Variants in CNTNAP2 observed in about 807,000 individuals in gnomAD.
CNTNAP2 encodes the protein contactin-associated protein-like 2.
A neutral mutation model predicts 155.2 loss-of-function variants in CNTNAP2; 98 were observed. That is an observed-to-expected ratio of 0.63 (90% CI 0.54 to 0.75). The LOEUF (loss-of-function observed/expected upper bound fraction) is 0.75, where lower values mean the gene tolerates loss of function less well. Among genes scored for constraint, CNTNAP2 ranks in the 30% least tolerant of loss-of-function variants. CNTNAP2 has a pLI of 0.00. For missense variants in CNTNAP2, 1,727 were observed against 1,688.1 expected (o/e 1.02, Z -0.40); for synonymous variants, 651 against 631.2 (o/e 1.03, Z -0.47).
chr7:148,265,111 G>GT (rs1408338132), intron 20 of CNTNAP2, among the ~76,000 whole-genome samples: 9 of 152,176 alleles, frequency 5.9e-5, no homozygotes, highest in African/African-American at 2.2e-4. Flanking sequence ...ACAAAAGAGA[G>GT]TAAGTAAACA....
intron 3 of CNTNAP2, among the ~76,000 whole-genome samples, chr7:146,933,557 G>A (rs938110472): frequency 6.7e-6 from 1 of 150,082 alleles, no homozygotes; most frequent in Non-Finnish European, 1.5e-5. Context: ...AACACCAAAA[G>A]CAATGGCAAC....
chr7:147,733,890 G>T (rs567647374), intron 13 of CNTNAP2, among the ~76,000 whole-genome samples: 1 of 152,292 alleles, frequency 6.6e-6, no homozygotes, highest in East Asian at 1.9e-4. Context: ...TGCTGAAATT[G>T]CTTATCAGCT....
intron 10 of CNTNAP2, among the ~76,000 whole-genome samples, chr7:147,472,204 CTTTTTTTTTTTTTTT>C (rs542047274): frequency 1.2e-5 from 1 of 81,072 alleles, no homozygotes; most frequent in Non-Finnish European, 2.3e-5. Context: ...TCTTTTTTTC[CTTTTTTTTTTTTTTT>C]TTTTTTTTTT....
At chr7:146,750,388 T>A (rs1033304334) in intron 1 of CNTNAP2, among the ~76,000 whole-genome samples, 6 of 152,194 alleles carry the variant, frequency 3.9e-5, no homozygotes, top group Non-Finnish European at 5.9e-5. Context: ...CAATCATTAA[T>A]TTTTAAAATT....
At chr7:148,065,211 A>G (rs1164637329) in intron 15 of CNTNAP2, among the ~76,000 whole-genome samples, 1 of 152,164 alleles carries the variant, frequency 6.6e-6, no homozygotes, top group Non-Finnish European at 1.5e-5. Flanking sequence ...GTGGCCTATC[A>G]TATGGTCTAT....
chr7:147,465,962 C>T (rs939735675), intron 10 of CNTNAP2, among the ~76,000 whole-genome samples: 3 of 152,050 alleles, frequency 2.0e-5, no homozygotes, highest in African/African-American at 7.2e-5. Context: ...GTAAACATTG[C>T]CATATTTATA....
intron 13 of CNTNAP2, among the ~76,000 whole-genome samples, chr7:147,868,686 C>T (rs1799273895): frequency 6.6e-6 from 1 of 152,210 alleles, no homozygotes; most frequent in African/African-American, 2.4e-5. Flanking sequence ...TGGTGGACAC[C>T]CCACCCACAG....
At chr7:146,812,038 A>C (rs551198148) in intron 2 of CNTNAP2, among the ~76,000 whole-genome samples, 2 of 152,234 alleles carry the variant, frequency 1.3e-5, no homozygotes, top group South Asian at 4.1e-4. Context: ...ATGAAAATGG[A>C]CTAATACAGT....
At chr7:146,495,582 A>G (rs1389965222) in intron 1 of CNTNAP2, among the ~76,000 whole-genome samples, 2 of 144,672 alleles carry the variant, frequency 1.4e-5, no homozygotes, top group African/African-American at 5.2e-5. Context: ...TTGCCTTCGT[A>G]AAGCACTACA....
At position 148,172,361 on chromosome 7, in the gene CNTNAP2, GGCCATTGCACCA is replaced by G; in HGVS notation, c.2896_2907del (p.His966_Ser969del). 1 of 1,614,092 alleles carries G rather than the reference GGCCATTGCACCA, an allele frequency of 6.2e-7. No homozygotes were observed. ...ATCTGGGTTCATATCCGGATGCTCG[GGCCATTGCACCA>G]GCTATGGAACAAACTGTGAAAATGG... On this transcript the variant is annotated inframe_deletion, in exon 18 of 24. Coordinates refer to ENST00000361727, the MANE Select transcript of CNTNAP2 (RefSeq NM_014141.6).
chr7:147,234,569 G>T (rs1444218490), intron 8 of CNTNAP2, among the ~76,000 whole-genome samples: 1 of 151,998 alleles, frequency 6.6e-6, no homozygotes. Flanking sequence ...TCGATCTCCT[G>T]ACCTCTTGAT....
chr7:147,009,259 G>A (rs562672976), intron 3 of CNTNAP2, among the ~76,000 whole-genome samples: 76 of 152,040 alleles, frequency 5.0e-4, no homozygotes, highest in African/African-American at 1.7e-3. Flanking sequence ...AAACACTAAG[G>A]TCAATGTTCT....
intron 4 of CNTNAP2, among the ~76,000 whole-genome samples, chr7:147,057,625 A>G (rs964614942): frequency 6.6e-6 from 1 of 152,080 alleles, no homozygotes; most frequent in South Asian, 2.1e-4. Flanking sequence ...AGTGCATCAT[A>G]TTTCCCTCAG....
At chr7:147,018,504 G>C (rs1798765109) in intron 3 of CNTNAP2, among the ~76,000 whole-genome samples, 1 of 152,064 alleles carries the variant, frequency 6.6e-6, no homozygotes, top group African/African-American at 2.4e-5. Context: ...AAAGGGATAA[G>C]AGAGGAAGAA....
At chr7:146,609,758 A>C (rs1425901946) in intron 1 of CNTNAP2, among the ~76,000 whole-genome samples, 2 of 152,228 alleles carry the variant, frequency 1.3e-5, no homozygotes, top group African/African-American at 4.8e-5. Flanking sequence ...TTTGCATGGC[A>C]TTGTTGTGAG....
At chr7:147,739,642 G>C (rs1355137194) in intron 13 of CNTNAP2, among the ~76,000 whole-genome samples, 1 of 151,842 alleles carries the variant, frequency 6.6e-6, no homozygotes, top group Non-Finnish European at 1.5e-5. Flanking sequence ...TCCCAATACA[G>C]TCAGAAGCCT....
intron 18 of CNTNAP2, among the ~76,000 whole-genome samples, chr7:148,183,848 A>G (rs1256993126): frequency 6.6e-6 from 1 of 152,216 alleles, no homozygotes; most frequent in Non-Finnish European, 1.5e-5. Context: ...AAAATATTTT[A>G]GGAGTTAGAT....
chr7:148,238,656 C>T (rs1404201182), intron 20 of CNTNAP2, among the ~76,000 whole-genome samples: 3 of 152,154 alleles, frequency 2.0e-5, no homozygotes. Flanking sequence ...AAGAGAACTA[C>T]AAGGTCCAAC....
At chr7:146,633,514 C>A (rs1289103181) in intron 1 of CNTNAP2, among the ~76,000 whole-genome samples, 1 of 152,048 alleles carries the variant, frequency 6.6e-6, no homozygotes, top group Non-Finnish European at 1.5e-5. Context: ...CCATAACAGG[C>A]CATGACATCA....
Sources: allele counts gnomAD v4.1 joint callset (sites outside exome capture counted in the v4.1 genomes callset), GRCh38; gene constraint gnomAD v4.1.1; transcripts MANE v1.5; gene names NCBI Gene and HGNC (gene_info 2026-07-23, HGNC 2026-07-21).